Variants in PEBP4 observed in about 807,000 individuals in gnomAD.
PEBP4 encodes phosphatidylethanolamine binding protein 4.
A neutral mutation model predicts 23.9 loss-of-function variants in PEBP4; 22 were observed. The ratio of observed to expected loss-of-function variants is 0.92; its 90% CI spans 0.66 to 1.31. The LOEUF (loss-of-function observed/expected upper bound fraction) is 1.31. PEBP4 is among the 40% of genes most tolerant of loss of function. The probability of loss-of-function intolerance (pLI) is 0.00; values close to 1 mark genes in which losing one functional copy is unlikely to be tolerated. For synonymous variants in PEBP4, 112 were observed against 99.3 expected (o/e 1.13, Z -0.76); for missense variants, 324 against 281.7 (o/e 1.15, Z -1.07).
intron 3 of PEBP4, among the ~76,000 whole-genome samples, chr8:22,845,008 C>T (rs1585303365): frequency 6.6e-6 from 1 of 152,262 alleles, no homozygotes; most frequent in East Asian, 1.9e-4. Context: ...CAGGCAGGGC[C>T]CCCAGGAGCT....
At chr8:22,742,525 G>A (rs1478135862) in intron 4 of PEBP4, among the ~76,000 whole-genome samples, 2 of 152,212 alleles carry the variant, frequency 1.3e-5, no homozygotes, top group African/African-American at 4.8e-5. Context: ...GTTTCCTATA[G>A]TGATGTGGTC....
At chr8:22,837,220 T>C (rs943346088) in intron 3 of PEBP4, among the ~76,000 whole-genome samples, 3 of 152,226 alleles carry the variant, frequency 2.0e-5, no homozygotes, top group Non-Finnish European at 4.4e-5. Flanking sequence ...GATAGCATCC[T>C]AACTGGCCTT....
chr8:22,819,529 T>A (rs1042322015), intron 3 of PEBP4, among the ~76,000 whole-genome samples: 2 of 152,098 alleles, frequency 1.3e-5, no homozygotes, highest in African/African-American at 4.8e-5. Flanking sequence ...AAGGGAAATT[T>A]TGGTAGGAAG....
At chr8:22,857,137 T>C (rs1203964521) in intron 3 of PEBP4, among the ~76,000 whole-genome samples, 1 of 152,144 alleles carries the variant, frequency 6.6e-6, no homozygotes, top group Non-Finnish European at 1.5e-5. Context: ...GCTTATCTTT[T>C]AGTGTGGGAG....
intron 1 of PEBP4, among the ~76,000 whole-genome samples, chr8:22,940,047 C>A (rs550414462): frequency 6.6e-6 from 1 of 152,218 alleles, no homozygotes; most frequent in Non-Finnish European, 1.5e-5. Context: ...TCATGTCACC[C>A]TTGAAAGGTT....
intron 4 of PEBP4, among the ~76,000 whole-genome samples, chr8:22,773,792 T>A (rs1805762546): frequency 6.6e-6 from 1 of 152,060 alleles, no homozygotes; most frequent in Non-Finnish European, 1.5e-5. Context: ...GGATGCAGGG[T>A]TGCTTGCTGT....
chr8:22,914,921 G>A (rs969462667), intron 3 of PEBP4, among the ~76,000 whole-genome samples: 2 of 152,096 alleles, frequency 1.3e-5, no homozygotes, highest in African/African-American at 4.8e-5. Context: ...CATGCCCAAT[G>A]ACACACATTG....
At chr8:22,861,048 T>G (rs1346066679) in intron 3 of PEBP4, among the ~76,000 whole-genome samples, 1 of 152,206 alleles carries the variant, frequency 6.6e-6, no homozygotes, top group African/African-American at 2.4e-5. Context: ...AGAATTAAAT[T>G]TGCATTCCTT....
At chr8:22,829,040 A>G (rs1209987835) in intron 3 of PEBP4, among the ~76,000 whole-genome samples, 1 of 152,176 alleles carries the variant, frequency 6.6e-6, no homozygotes, top group Non-Finnish European at 1.5e-5. Flanking sequence ...GGCCACTGGT[A>G]ACTCCTTTCT....
At chr8:22,713,789 T>C (rs1804357609) in intron 6 of PEBP4, among the ~76,000 whole-genome samples, 1 of 152,200 alleles carries the variant, frequency 6.6e-6, no homozygotes, top group Non-Finnish European at 1.5e-5. Flanking sequence ...CAGCCCCAGT[T>C]GAGAATGTCT....
chr8:22,904,726 TTAAA>T (rs1808777754), intron 3 of PEBP4, among the ~76,000 whole-genome samples: 1 of 152,252 alleles, frequency 6.6e-6, no homozygotes, highest in Non-Finnish European at 1.5e-5. Context: ...GGAACTATTG[TTAAA>T]TGGCTATTTT....
chr8:22,763,262 C>T (rs2128753154), intron 4 of PEBP4, among the ~76,000 whole-genome samples: 1 of 152,292 alleles, frequency 6.6e-6, no homozygotes, highest in East Asian at 1.9e-4. Context: ...ACCTCTGCCT[C>T]CCAAAGTGCT....
intron 2 of PEBP4, among the ~76,000 whole-genome samples, chr8:22,922,964 T>C (rs1396959072): frequency 6.6e-6 from 1 of 152,220 alleles, no homozygotes; most frequent in Non-Finnish European, 1.5e-5. Context: ...ATGAAGGGCA[T>C]GACTTTTACT....
At chr8:22,810,711 T>C (rs2008532) in intron 4 of PEBP4, among the ~76,000 whole-genome samples, 2 of 134,166 alleles carry the variant, frequency 1.5e-5, no homozygotes, top group Non-Finnish European at 1.6e-5. Flanking sequence ...TGTGTGTGTG[T>C]GTGAGAGAGA....
intron 4 of PEBP4, among the ~76,000 whole-genome samples, chr8:22,813,483 A>T (rs940288405): frequency 1.3e-5 from 2 of 152,226 alleles, no homozygotes; most frequent in Non-Finnish European, 2.9e-5. Flanking sequence ...CATTAACAAT[A>T]AAAAGTCTAA....
intron 1 of PEBP4, among the ~76,000 whole-genome samples, chr8:22,935,246 C>G (rs1295355928): frequency 6.6e-6 from 1 of 152,194 alleles, no homozygotes; most frequent in Admixed American, 6.5e-5. Context: ...ACTGGCTGGG[C>G]ATGGTGGCTC....
chr8:22,822,355 G>GTGTGTGTGTGTGTGTGTGTGTGTGTGTA (rs1554489116), intron 3 of PEBP4, among the ~76,000 whole-genome samples: 2 of 17,774 alleles, frequency 1.1e-4, no homozygotes, highest in African/African-American at 1.6e-4. Flanking sequence ...ATATACTAAA[G>GTGTGTGTGTGTGTGTGTGTGTGTGTGTA]TGTGTGTGTG....
chr8:22,822,306 A>T (rs963628371), intron 3 of PEBP4, among the ~76,000 whole-genome samples: 2 of 151,954 alleles, frequency 1.3e-5, no homozygotes, highest in Non-Finnish European at 2.9e-5. Flanking sequence ...ATCTCCAAGG[A>T]CTCAGAAGAA....
chr8:22,933,460 ATTATCAGCCAAT>A (rs1351930922), intron 1 of PEBP4, among the ~76,000 whole-genome samples: 1 of 152,248 alleles, frequency 6.6e-6, no homozygotes, highest in Non-Finnish European at 1.5e-5. Flanking sequence ...CCTCAATAAA[ATTATCAGCCAAT>A]TTATCAGCAG....
Sources: gnomAD v4.1 joint callset for allele counts (sites outside exome capture counted in the v4.1 genomes callset) on GRCh38, gnomAD v4.1.1 for gene constraint, MANE v1.5 for transcripts, NCBI Gene and HGNC (gene_info 2026-07-23, HGNC 2026-07-21) for gene names.